Variants in DEUP1 observed in about 807,000 individuals in gnomAD.
The protein encoded by DEUP1 is deuterosome assembly protein 1.
Under a neutral mutation model 87.4 loss-of-function variants are expected in DEUP1, and 82 were observed. The ratio of observed to expected loss-of-function variants is 0.94; its 90% CI spans 0.78 to 1.13. The LOEUF (loss-of-function observed/expected upper bound fraction) is 1.13. Ranked by LOEUF, DEUP1 falls within the 50% of genes most tolerant of loss-of-function variation. The pLI is 0.00. For synonymous variants in DEUP1, 214 were observed against 222.7 expected (o/e 0.96, Z 0.35); for missense variants, 663 against 681.5 (o/e 0.97, Z 0.30).
chr11:93,431,110 A>G (rs1414980022), intron 13 of DEUP1, among the ~76,000 whole-genome samples: 1 of 151,734 alleles, frequency 6.6e-6, no homozygotes, highest in Non-Finnish European at 1.5e-5. Flanking sequence ...AAAAAAAAAA[A>G]AAAAAGAAAG....
intron 2 of DEUP1, among the ~76,000 whole-genome samples, chr11:93,354,247 C>T (rs1433817246): frequency 1.3e-5 from 2 of 152,096 alleles, no homozygotes; most frequent in African/African-American, 4.8e-5. Flanking sequence ...TAACAAGAGT[C>T]ACCTTTACTC....
At chr11:93,383,524 T>C in intron 7 of DEUP1, 1 of 611,822 alleles carries the variant, frequency 1.6e-6, no homozygotes, top group African/African-American at 1.8e-5. Context: ...ATGATGAAAA[T>C]GCTCTGGAAT....
intron 4 of DEUP1, 127 bp downstream of exon 4, chr11:93,357,170 C>A (rs2134219109): frequency 3.2e-6 from 2 of 620,122 alleles, no homozygotes; most frequent in East Asian, 3.0e-5. Flanking sequence ...TAAGCTTGGT[C>A]ATGTCTTTCC....
At chr11:93,338,874 G>C (rs1943911853) in intron 2 of DEUP1, among the ~76,000 whole-genome samples, 1 of 152,072 alleles carries the variant, frequency 6.6e-6, no homozygotes, top group Non-Finnish European at 1.5e-5. Flanking sequence ...ATAAAAGCAG[G>C]GTGTGAAAAA....
intron 7 of DEUP1, among the ~76,000 whole-genome samples, chr11:93,377,842 T>C (rs1315353550): frequency 1.3e-5 from 2 of 152,232 alleles, no homozygotes; most frequent in Non-Finnish European, 2.9e-5. Flanking sequence ...GAAAAGACTG[T>C]ATCTTTCCTT....
chr11:93,372,653 T>G (rs1049392092), intron 7 of DEUP1, among the ~76,000 whole-genome samples: 1 of 152,220 alleles, frequency 6.6e-6, no homozygotes, highest in African/African-American at 2.4e-5. Context: ...TCTCTCCCAT[T>G]CAGAGGCAAT....
At chr11:93,390,037 G>A (rs1403578136) in intron 9 of DEUP1, among the ~76,000 whole-genome samples, 2 of 152,098 alleles carry the variant, frequency 1.3e-5, no homozygotes, top group African/African-American at 2.4e-5. Context: ...ATCCAGTAAT[G>A]GCCTTCTTTC....
chr11:93,418,142 C>G (rs535411202), intron 13 of DEUP1, among the ~76,000 whole-genome samples: 14 of 152,214 alleles, frequency 9.2e-5, no homozygotes, highest in South Asian at 2.1e-4. Context: ...ATGTCTAAAA[C>G]ACCAAAAGCA....
At chr11:93,400,931 C>T (rs577303040) in intron 11 of DEUP1, among the ~76,000 whole-genome samples, 2 of 152,002 alleles carry the variant, frequency 1.3e-5, no homozygotes, top group East Asian at 1.9e-4. Context: ...ACATAATACT[C>T]GAAGTCCTGG....
chr11:93,419,182 TAATA>T (rs769382546), intron 13 of DEUP1, among the ~76,000 whole-genome samples: 173 of 114,852 alleles, frequency 1.5e-3, no homozygotes, highest in East Asian at 6.6e-3. Context: ...TAAAGTATAA[TAATA>T]AAAAAAAAAA....
At chr11:93,335,414 ATTG>A (rs892513510) in intron 2 of DEUP1, among the ~76,000 whole-genome samples, 19 of 152,156 alleles carry the variant, frequency 1.2e-4, no homozygotes, top group South Asian at 2.1e-4. Context: ...AAACATTTTA[ATTG>A]TTGTTATTAT....
intron 7 of DEUP1, among the ~76,000 whole-genome samples, chr11:93,381,132 C>A (rs1334812308): frequency 6.6e-6 from 1 of 152,122 alleles, no homozygotes; most frequent in Non-Finnish European, 1.5e-5. Flanking sequence ...TAGGATAAAT[C>A]TAAATGAAAA....
intron 2 of DEUP1, among the ~76,000 whole-genome samples, chr11:93,346,956 G>A (rs540638973): frequency 1.3e-5 from 2 of 152,162 alleles, no homozygotes; most frequent in South Asian, 4.2e-4. Flanking sequence ...AAGACTATGG[G>A]GTTTCTAGAT....
chr11:93,407,768 A>G (rs1947320364), intron 11 of DEUP1, among the ~76,000 whole-genome samples: 1 of 151,950 alleles, frequency 6.6e-6, no homozygotes, highest in Admixed American at 6.6e-5. Context: ...TTATTAATCA[A>G]CACTAGAAGG....
chr11:93,354,807 TGG>T (rs1944805968), intron 2 of DEUP1, among the ~76,000 whole-genome samples: 1 of 152,230 alleles, frequency 6.6e-6, no homozygotes, highest in African/African-American at 2.4e-5. Flanking sequence ...GTGGGAATTC[TGG>T]GAGATACAAT....
intron 12 of DEUP1, among the ~76,000 whole-genome samples, chr11:93,408,734 GAA>G (rs1443188498): frequency 6.6e-6 from 1 of 152,134 alleles, no homozygotes; most frequent in Non-Finnish European, 1.5e-5. Context: ...TGGGAACAGA[GAA>G]AACTAGATTT....
intron 4 of DEUP1, among the ~76,000 whole-genome samples, chr11:93,360,203 A>AG (rs1359750141): frequency 1.3e-5 from 2 of 152,172 alleles, no homozygotes; most frequent in African/African-American, 4.8e-5. Flanking sequence ...ACTTCCAATC[A>AG]GCAATAATAA....
chr11:93,344,848 CT>C lies in DEUP1; in HGVS notation c.30-10512del, dbSNP rs59612948. On this transcript the variant is annotated intron_variant, in intron 2 of 13. Transcript: ENST00000298050. ...ATTATCCCCAAAGGCTGTAATTTTC[CT>C]TTTTTTTTTTAACTTTTTTTTTTTA... 4.1e-3 allele frequency among the ~76,000 whole-genome samples: 585 copies of C among 141,954 alleles called. 2 individuals carry two copies. Among genetic ancestry groups the C allele is most frequent in the African/African-American group, 0.012 (471 of 38,906 alleles). The allele number at this position is 141,954 out of a possible 152,430, so 93.1% of individuals were successfully genotyped here. A position where few individuals can be genotyped will look rare whatever the true frequency, so the allele number is the denominator to read the frequency against.
intron 7 of DEUP1, among the ~76,000 whole-genome samples, chr11:93,374,677 C>T (rs1032210635): frequency 3.9e-5 from 6 of 152,124 alleles, no homozygotes; most frequent in African/African-American, 1.4e-4. Flanking sequence ...GTTTTGGTGA[C>T]TATAGCATTA....
Sources: allele counts gnomAD v4.1 joint callset (sites outside exome capture counted in the v4.1 genomes callset), GRCh38; gene constraint gnomAD v4.1.1; transcripts MANE v1.5; gene names NCBI Gene and HGNC (gene_info 2026-07-23, HGNC 2026-07-21).